AGFG1: variants seen among roughly 807,000 people sequenced by gnomAD.
AGFG1 encodes ArfGAP with FG repeats 1, also known as arf-GAP domain and FG repeat-containing protein 1.
In AGFG1, 10 loss-of-function variants were observed where a neutral mutation model predicts 60.6. The ratio of observed to expected loss-of-function variants is 0.16; its 90% CI spans 0.10 to 0.28. The LOEUF is 0.28. Among genes scored for constraint, AGFG1 ranks in the 10% least tolerant of loss-of-function variants. The pLI is 1.00. For missense variants in AGFG1, 537 were observed against 676.5 expected (o/e 0.79, Z 2.29); for synonymous variants, 247 against 242.9 (o/e 1.02, Z -0.16).
At chr2:227,545,508 C>T (rs1352216732) in intron 10 of AGFG1, among the ~76,000 whole-genome samples, 1 of 152,152 alleles carries the variant, frequency 6.6e-6, no homozygotes, top group Admixed American at 6.5e-5. Flanking sequence ...CCATTGCTGG[C>T]GAGGAGCTGC....
At chr2:227,501,875 T>C (rs1026873837) in intron 2 of AGFG1, among the ~76,000 whole-genome samples, 1 of 151,542 alleles carries the variant, frequency 6.6e-6, no homozygotes, top group Non-Finnish European at 1.5e-5. Context: ...TTTATTTTTT[T>C]TGAGGTAGGT....
chr2:227,482,731 G>T (rs1690505869), intron 1 of AGFG1, among the ~76,000 whole-genome samples: 3 of 152,138 alleles, frequency 2.0e-5, no homozygotes, highest in Non-Finnish European at 1.5e-5. Flanking sequence ...TGAACAAATG[G>T]TTATTTGCAA....
chr2:227,507,491 T>G (rs957630661), intron 2 of AGFG1, among the ~76,000 whole-genome samples: 4 of 150,454 alleles, frequency 2.7e-5, no homozygotes, highest in Non-Finnish European at 5.9e-5. Flanking sequence ...TAGTCCCAGC[T>G]GCTTGGGAGG....
rs1690120193 is a variant in AGFG1 at position 227,472,429 on chromosome 2, C to A, written c.8C>A (p.Ala3Asp). 2 of 1,517,614 alleles carry A rather than the reference C, an allele frequency of 1.3e-6. No individual in the cohort carries two copies. Among genetic ancestry groups the A allele is most frequent in the East Asian group, 2.8e-5 (1 of 35,112 alleles). 94.0% of individuals were successfully genotyped at this position (1,517,614 alleles called of 1,614,324 possible). A position where few individuals can be genotyped will look rare whatever the true frequency, so the allele number is the denominator to read the frequency against. The change falls in exon 1 of 13, where the codon GCC becomes GAC. Residue 3 changes from alanine (A) to aspartate (D), a missense_variant. Physicochemically the swap from Ala to Asp is moderately radical, Grantham distance 126. Coordinates refer to ENST00000310078, the MANE Select transcript of AGFG1 (RefSeq NM_004504.5). The stretch of plus-strand genomic sequence containing the variant: ...TCCCTTGGCGCCGCGGCCATGGCGG[C>A]CAGCGCGAAGCGGAAGCAGGAGGAG... Reference protein sequence around the residue: MAASAKRKQEEKH... With the variant: MADSAKRKQEEKH...
Position 227,485,279 on chromosome 2 carries a change from C to T in AGFG1, c.168-6268C>T, listed in dbSNP as rs567019036. Among the ~76,000 whole-genome samples, 430 of 140,510 alleles carry T rather than the reference C, an allele frequency of 3.1e-3. 2 individuals are homozygous for T. The highest frequency in any genetic ancestry group is 0.011 in the African/African-American group (411 of 38,120). 92.2% of individuals were successfully genotyped at this position (140,510 alleles called of 152,430 possible). Reference sequence around the variant, plus strand: ...TTTTTTTTTGAGACAGAGTCTCGCTCAGGCTAGAGTGCAATGGCGTGATCT... The same window carrying T: ...TTTTTTTTTGAGACAGAGTCTCGCTTAGGCTAGAGTGCAATGGCGTGATCT... On this transcript the variant is annotated intron_variant, in intron 1 of 12. Coordinates refer to ENST00000310078, the MANE Select transcript of AGFG1 (RefSeq NM_004504.5).
intron 3 of AGFG1, among the ~76,000 whole-genome samples, 163 bp from the exon 4 acceptor site, chr2:227,523,600 T>C (rs933460401): frequency 1.3e-5 from 2 of 152,222 alleles, no homozygotes; most frequent in African/African-American, 4.8e-5. Flanking sequence ...TCTTAAGCTG[T>C]CGTTCCTTTT....
intron 10 of AGFG1, among the ~76,000 whole-genome samples, chr2:227,547,229 G>T (rs1486159746): frequency 6.6e-6 from 1 of 152,126 alleles, no homozygotes; most frequent in Non-Finnish European, 1.5e-5. Context: ...ATACAAAAAA[G>T]GGTTGGAGGT....
Position 227,554,658 on chromosome 2 carries a change from G to A in AGFG1, c.*163G>A, listed in dbSNP as rs746408039. 2 of 550,994 alleles carry A rather than the reference G, an allele frequency of 3.6e-6. No homozygotes were observed. Among genetic ancestry groups the A allele is most frequent in the Non-Finnish European group, 6.4e-6 (2 of 314,546 alleles). 34.1% of individuals were successfully genotyped at this position (550,994 alleles called of 1,614,324 possible). On this transcript the variant is annotated 3_prime_UTR_variant, in exon 13 of 13. Coordinates refer to ENST00000310078, the MANE Select transcript of AGFG1 (RefSeq NM_004504.5). ...AACACCAGGTAATATGTGCAAAACC[G>A]AGGGCTCCAGTAACACCTTCTAACC...
intron 10 of AGFG1, among the ~76,000 whole-genome samples, chr2:227,546,400 GT>G (rs1692648405): frequency 6.6e-6 from 1 of 152,226 alleles, no homozygotes; most frequent in African/African-American, 2.4e-5. Flanking sequence ...CACAGCTTCT[GT>G]TGGCTAGGAA....
At chr2:227,487,986 T>C (rs1272195101) in intron 1 of AGFG1, among the ~76,000 whole-genome samples, 1 of 152,210 alleles carries the variant, frequency 6.6e-6, no homozygotes, top group East Asian at 1.9e-4. Context: ...GAAAGCAACA[T>C]GAACACATAA....
chr2:227,507,464 G>GT (rs1302383084), intron 2 of AGFG1, among the ~76,000 whole-genome samples: 1 of 152,036 alleles, frequency 6.6e-6, no homozygotes, highest in Non-Finnish European at 1.5e-5. Flanking sequence ...TTAGCTGGGC[G>GT]TGGTGGCACA....
chr2:227,536,920 A>G lies in AGFG1; in HGVS notation c.1305A>G (p.Pro435=), dbSNP rs748816892. The G allele has an allele frequency of 3.7e-6, 6 of 1,612,618 alleles. No homozygotes were observed. Among genetic ancestry groups the G allele is most frequent in the South Asian group, 1.1e-5 (1 of 90,760 alleles). The change falls in exon 10 of 13, where the codon CCA becomes CCG. Residue 435 remains proline, a synonymous_variant. Coordinates refer to ENST00000310078, the MANE Select transcript of AGFG1 (RefSeq NM_004504.5). ...APFGATPSTN[P]FVAAAGPSVA... The stretch of plus-strand genomic sequence containing the variant: ...TTAAAGCTACGCCTTCCACAAATCC[A>G]TTTGTTGCTGCTGCTGGTCCTTCTG...
intron 2 of AGFG1, among the ~76,000 whole-genome samples, chr2:227,510,479 A>G (rs1309985512): frequency 6.6e-6 from 1 of 152,176 alleles, no homozygotes; most frequent in Non-Finnish European, 1.5e-5. Flanking sequence ...TAGAGAAGCA[A>G]GAGTGGAGAC....
rs1396136315 is a variant in AGFG1 at position 227,530,552 on chromosome 2, A to G, written c.695-539A>G. ...TTCTAATAGAATATGAATATCTTCA[A>G]TTTATTTGGTGATCTTGTCCTTTTT... On this transcript the variant is annotated intron_variant, in intron 5 of 12. Transcript: ENST00000310078. Among the ~76,000 whole-genome samples the G allele has an allele frequency of 3.3e-5, 5 of 152,124 alleles. No homozygotes were observed. The South Asian group carries it at 6.2e-4, about 19-fold the overall frequency.
At chr2:227,499,765 G>T (rs1051106815) in intron 2 of AGFG1, among the ~76,000 whole-genome samples, 9 of 152,218 alleles carry the variant, frequency 5.9e-5, no homozygotes, top group Admixed American at 5.9e-4. Context: ...AGAGGTTTGT[G>T]TTAGGGGCCT....
chr2:227,517,244 G>GAATA (rs757506887), intron 2 of AGFG1, among the ~76,000 whole-genome samples: 21 of 152,232 alleles, frequency 1.4e-4, no homozygotes, highest in Non-Finnish European at 2.5e-4. Context: ...ACTGAGCCTG[G>GAATA]AATAGGAAGG....
intron 3 of AGFG1, among the ~76,000 whole-genome samples, chr2:227,522,817 A>G (rs755156286): frequency 2.0e-5 from 3 of 152,192 alleles, no homozygotes; most frequent in Non-Finnish European, 4.4e-5. Context: ...AGGATTGCCT[A>G]TGTTTGGACA....
rs1692841805 is a variant in AGFG1, at chr2:227,552,195, G to A, written c.1537+78G>A. 3.3e-6 allele frequency: 5 copies of A among 1,533,772 alleles called. No individual in the cohort carries two copies. The East Asian group carries it at 6.8e-5, about 21-fold the overall frequency. Reference sequence around the variant, plus strand: ...ATCATAATGTTGTGTGCTTGGGCAGGAAGACTTTTCTAAAGAATACTATAG... The same window carrying A: ...ATCATAATGTTGTGTGCTTGGGCAGAAAGACTTTTCTAAAGAATACTATAG... On this transcript the variant is annotated intron_variant, in intron 11 of 12. Coordinates refer to ENST00000310078, the MANE Select transcript of AGFG1 (RefSeq NM_004504.5).
intron 2 of AGFG1, among the ~76,000 whole-genome samples, chr2:227,495,917 A>G (rs1427654479): frequency 6.6e-6 from 1 of 151,758 alleles, no homozygotes; most frequent in Non-Finnish European, 1.5e-5. Context: ...AGCCTGGCCA[A>G]CGTGGCGAAA....
Sources: allele counts gnomAD v4.1 joint callset (sites outside exome capture counted in the v4.1 genomes callset), GRCh38; gene constraint gnomAD v4.1.1; transcripts MANE v1.5; gene names NCBI Gene and HGNC (gene_info 2026-07-23, HGNC 2026-07-21).